Variants in ASTN2 observed in about 807,000 individuals in gnomAD.
ASTN2 encodes astrotactin 2.
Under a neutral mutation model 139.8 loss-of-function variants are expected in ASTN2, and 54 were observed. The observed-to-expected ratio is 0.39, with a 90% CI of 0.31 to 0.48. The LOEUF (loss-of-function observed/expected upper bound fraction) is 0.48, where lower values mean the gene tolerates loss of function less well. Ranked by LOEUF, ASTN2 falls within the 20% of genes least tolerant of loss-of-function variation. ASTN2 has a pLI of 0.95. For synonymous variants in ASTN2, 756 were observed against 719.5 expected, an observed-to-expected ratio of 1.05 and a Z score of -0.81; for missense variants, 1,565 against 1,725.1, an observed-to-expected ratio of 0.91 and a Z score of 1.64.
chr9:116,476,478 G>A (rs1379246392), intron 20 of ASTN2, among the ~76,000 whole-genome samples: 3 of 152,016 alleles, frequency 2.0e-5, no homozygotes, highest in African/African-American at 4.8e-5. Flanking sequence ...GTGTCCCCAC[G>A]GTCCCTGGAG....
chr9:117,130,990 G>A (rs1829814546), intron 4 of ASTN2, among the ~76,000 whole-genome samples: 1 of 152,164 alleles, frequency 6.6e-6, no homozygotes, highest in African/African-American at 2.4e-5. Flanking sequence ...TCAATCATGG[G>A]AAATTGTAAA....
intron 5 of ASTN2, among the ~76,000 whole-genome samples, chr9:117,067,666 A>G (rs1315010125): frequency 5.8e-5 from 8 of 136,984 alleles, no homozygotes; most frequent in East Asian, 4.5e-4. Flanking sequence ...ATTTGTTTGT[A>G]TCCTCTTTTA....
intron 5 of ASTN2, among the ~76,000 whole-genome samples, chr9:117,052,213 G>T (rs1838930700): frequency 6.6e-6 from 1 of 152,050 alleles, no homozygotes; most frequent in African/African-American, 2.4e-5. Flanking sequence ...GGCTGAGGTG[G>T]GCGGATCATG....
intron 17 of ASTN2, among the ~76,000 whole-genome samples, chr9:116,643,671 T>C (rs1022139378): frequency 6.6e-6 from 1 of 152,190 alleles, no homozygotes; most frequent in Non-Finnish European, 1.5e-5. Flanking sequence ...TGTAAAGTCC[T>C]TAGCACAGTT....
chr9:116,770,839 G>A (rs1340250058), intron 13 of ASTN2, among the ~76,000 whole-genome samples: 2 of 152,004 alleles, frequency 1.3e-5, no homozygotes, highest in Non-Finnish European at 2.9e-5. Context: ...TTTTCCCCAA[G>A]GGCACCTTCA....
chr9:116,552,016 CA>C lies in ASTN2; in HGVS notation c.3356-64517del, dbSNP rs1422610131. The C allele has an allele frequency of 7.2e-5, 11 of 152,164 alleles. No individual in the cohort carries two copies. The East Asian group carries it at 2.1e-3, about 29-fold the overall frequency. 9.4% of individuals were successfully genotyped at this position (152,164 alleles called of 1,614,324 possible). A position where few individuals can be genotyped will look rare whatever the true frequency, so the allele number is the denominator to read the frequency against. The stretch of plus-strand genomic sequence containing the variant: ...ACATATACATATACATATACATACA[CA>C]TATACATATACATACACATATACAT... On this transcript the variant is annotated intron_variant, in intron 19 of 22. Coordinates refer to ENST00000313400, the MANE Select transcript of ASTN2 (RefSeq NM_001365068.1).
At chr9:117,084,336 G>A (rs933391747) in intron 5 of ASTN2, among the ~76,000 whole-genome samples, 3 of 152,146 alleles carry the variant, frequency 2.0e-5, no homozygotes, top group African/African-American at 4.8e-5. Context: ...CTGGAGGAAG[G>A]AGTCCACTCC....
chr9:116,672,440 C>A (rs188824337), intron 16 of ASTN2, among the ~76,000 whole-genome samples: 4 of 152,000 alleles, frequency 2.6e-5, no homozygotes, highest in Non-Finnish European at 4.4e-5. Flanking sequence ...GAGTTTTAAA[C>A]CCTTACATTT....
intron 5 of ASTN2, among the ~76,000 whole-genome samples, chr9:117,063,572 C>G (rs909737709): frequency 6.6e-6 from 1 of 152,160 alleles, no homozygotes; most frequent in Non-Finnish European, 1.5e-5. Flanking sequence ...CAATTAAACC[C>G]TTTTTCCTGT....
intron 1 of ASTN2, among the ~76,000 whole-genome samples, chr9:117,359,371 G>A (rs1380244979): frequency 6.6e-6 from 1 of 152,202 alleles, no homozygotes; most frequent in African/African-American, 2.4e-5. Flanking sequence ...AACTGATGTG[G>A]CAAGTAAAGT....
intron 2 of ASTN2, among the ~76,000 whole-genome samples, chr9:117,250,276 C>T (rs1833502191): frequency 6.6e-6 from 1 of 152,210 alleles, no homozygotes; most frequent in Non-Finnish European, 1.5e-5. Flanking sequence ...CTGTTAGACA[C>T]ATTTCTTTGC....
intron 10 of ASTN2, among the ~76,000 whole-genome samples, chr9:116,920,500 T>A (rs879815483): frequency 9.2e-5 from 14 of 152,226 alleles, no homozygotes; most frequent in Non-Finnish European, 1.8e-4. Flanking sequence ...ACCTGTCTAC[T>A]GCAAGCTCCC....
intron 19 of ASTN2, among the ~76,000 whole-genome samples, chr9:116,616,172 G>T (rs1427862203): frequency 6.6e-6 from 1 of 152,190 alleles, no homozygotes; most frequent in African/African-American, 2.4e-5. Context: ...ACTTTAGGAA[G>T]AACTGAGCTT....
chr9:117,060,113 C>G (rs760988338), intron 5 of ASTN2, among the ~76,000 whole-genome samples: 1 of 151,766 alleles, frequency 6.6e-6, no homozygotes, highest in Non-Finnish European at 1.5e-5. Context: ...AAGTTTGAGA[C>G]CAGCCTGGCT....
intron 11 of ASTN2, among the ~76,000 whole-genome samples, chr9:116,862,292 CT>C (rs537780924): frequency 1.8e-3 from 273 of 152,182 alleles, no homozygotes; most frequent in Non-Finnish European, 3.2e-3. Flanking sequence ...CTTCTTCTTT[CT>C]TTTTTCTTTA....
intron 19 of ASTN2, among the ~76,000 whole-genome samples, chr9:116,502,293 A>G (rs1056148408): frequency 6.6e-6 from 1 of 151,962 alleles, no homozygotes; most frequent in Non-Finnish European, 1.5e-5. Context: ...GACACACAAC[A>G]CACAGACACA....
At chr9:116,641,603 C>G (rs1277200829) in intron 17 of ASTN2, among the ~76,000 whole-genome samples, 1 of 152,078 alleles carries the variant, frequency 6.6e-6, no homozygotes, top group Admixed American at 6.5e-5. Context: ...CTGCCATTCT[C>G]TTTTTTTATT....
At chr9:117,131,116 C>T (rs1318942238) in intron 4 of ASTN2, among the ~76,000 whole-genome samples, 1 of 152,164 alleles carries the variant, frequency 6.6e-6, no homozygotes, top group Non-Finnish European at 1.5e-5. Context: ...AACAGTCAGT[C>T]CTAATGTAGG....
At position 117,096,154 on chromosome 9, in the gene ASTN2, G is replaced by A. The variant is rs1246110894; in HGVS notation, c.1169-3C>T. On this transcript the variant is annotated splice_polypyrimidine_tract_variant and splice_region_variant and intron_variant, in intron 4 of 22. Transcript: ENST00000313400. The stretch of plus-strand genomic sequence containing the variant: ...GGCTCTCCCAAAGCTGATTCCTCCT[G>A]TGAGTAAGCACAGTCTATCAGTTAG... 6.2e-7 allele frequency: 1 copy of A among 1,612,688 alleles called. No individual in the cohort carries two copies. Among genetic ancestry groups the A allele is most frequent in the South Asian group, 1.1e-5 (1 of 91,056 alleles).
Sources: gnomAD v4.1 joint callset for allele counts (sites outside exome capture counted in the v4.1 genomes callset) on GRCh38, gnomAD v4.1.1 for gene constraint, MANE v1.5 for transcripts, NCBI Gene and HGNC (gene_info 2026-07-23, HGNC 2026-07-21) for gene names.